SELENOV: variants seen among roughly 807,000 people sequenced by gnomAD.
SELENOV encodes selenoprotein V.
Under a neutral mutation model 21.6 loss-of-function variants are expected in SELENOV, and 25 were observed. That is an observed-to-expected ratio of 1.16 (90% CI 0.84 to 1.62). SELENOV has a LOEUF of 1.62. Ranked by LOEUF, SELENOV falls within the 40% of genes most tolerant of loss-of-function variation. SELENOV has a pLI of 0.00. For missense variants in SELENOV, 472 were observed against 459.0 expected, an observed-to-expected ratio of 1.03 and a Z score of -0.26; for synonymous variants, 227 against 216.9, an observed-to-expected ratio of 1.05 and a Z score of -0.41.
chr19:39,519,090 A>T, exon 5 of SELENOV: 5 of 1,613,740 alleles, frequency 3.1e-6, no homozygotes, highest in Non-Finnish European at 4.2e-6. Context: ...GGCTTTGTGA[A>T]CGAGTCCAGG....
chr19:39,515,267 G>T lies in SELENOV; in HGVS notation c.55G>T (p.Val19Phe). ...CTCCTCGGCGCGGACTTCAACCTCA[G>T]TCCGGGCTTCTACCCCGACCCGGAC... The change falls in exon 1 of 6, where the codon GTC becomes TTC. Residue 19 changes from valine to phenylalanine, a missense_variant. Transcript: ENST00000335426. The surrounding 1 kb of genome is among the most constrained non-coding windows in gnomAD (Gnocchi z 5.1). The T allele has an allele frequency of 6.4e-7, 1 of 1,550,782 alleles. No individual in the cohort carries two copies. The highest frequency in any genetic ancestry group is 1.2e-5 in the South Asian group (1 of 84,048).
At chr19:39,519,483 CA>C (rs2079717744) in intron 5 of SELENOV, among the ~76,000 whole-genome samples, 5 of 149,382 alleles carry the variant, frequency 3.3e-5, no homozygotes, top group African/African-American at 1.3e-4. Flanking sequence ...TCTGTCTCTA[CA>C]AAAAATAATA....
intron 4 of SELENOV, 26 bp from the exon 5 acceptor site, chr19:39,519,045 G>C (rs777931107): frequency 6.2e-7 from 1 of 1,613,540 alleles, no homozygotes; most frequent in Admixed American, 1.7e-5. Flanking sequence ...TGGGAGACCT[G>C]TGTGCTTTCT....
Position 39,519,125 on chromosome 19 carries a change from G to A in SELENOV, c.1018G>A (p.Asp340Asn), listed in dbSNP as rs374699082. The stretch of plus-strand genomic sequence containing the variant: ...GCTGCAGAAAATTGTGAGCGTTATC[G>A]ATGAGGAAATCAAGAAAAGGTAGCC... The change falls in exon 5 of 6, where the codon GAT (aspartate) becomes AAT (asparagine). Residue 340 changes from aspartate to asparagine, a missense_variant. Asp to Asn is a conservative substitution (Grantham distance 23, BLOSUM62 1). Transcript: ENST00000335426. The A allele has an allele frequency of 6.1e-5, 99 of 1,613,668 alleles. No individual in the cohort carries two copies. Among genetic ancestry groups the A allele is most frequent in the Middle Eastern group, 1.6e-4 (1 of 6,084 alleles).
chr19:39,518,303 A>AAG (rs901653025), intron 1 of SELENOV, among the ~76,000 whole-genome samples: 16 of 150,346 alleles, frequency 1.1e-4, no homozygotes, highest in Admixed American at 5.3e-4. Context: ...ACAAAAAAAA[A>AAG]AGAGAGAGAG....
At chr19:39,518,455 C>G in intron 1 of SELENOV, 153 bp from the exon 2 acceptor site, 1 of 754,960 alleles carries the variant, frequency 1.3e-6, no homozygotes, top group Admixed American at 2.2e-5. Flanking sequence ...TGGTTTTTCC[C>G]CTGCGTGAGA....
intron 1 of SELENOV, among the ~76,000 whole-genome samples, chr19:39,516,631 G>T (rs1366818856): frequency 6.6e-6 from 1 of 151,370 alleles, no homozygotes; most frequent in Non-Finnish European, 1.5e-5. Context: ...GGGCTCAAGC[G>T]ATCTTCCCAC....
At chr19:39,516,383 C>G in intron 1 of SELENOV, 1 of 398,738 alleles carries the variant, frequency 2.5e-6, no homozygotes, top group Non-Finnish European at 4.8e-6. Flanking sequence ...CTCTGGCTTC[C>G]CTTCCCAGCC....
chr19:39,518,934 A>G, exon 4 of SELENOV: 2 of 1,613,208 alleles, frequency 1.2e-6, no homozygotes, highest in Non-Finnish European at 1.7e-6. Flanking sequence ...GCTACAGGGG[A>G]GTTTGAGGTG....
Position 39,515,777 on chromosome 19 carries a change from C to T in SELENOV, c.565C>T (p.Pro189Ser). 2 of 1,549,330 alleles carry T rather than the reference C, an allele frequency of 1.3e-6. No individual in the cohort carries two copies. Among genetic ancestry groups the T allele is most frequent in the Non-Finnish European group, 1.7e-6 (2 of 1,146,276 alleles). ...GGTCTCCAGCGAGGCCGGGCCCGCCCCGGGGCCCCTTCCCACGCGCACCCC... is the reference window on the plus strand; with the variant it reads ...GGTCTCCAGCGAGGCCGGGCCCGCCTCGGGGCCCCTTCCCACGCGCACCCC... The change falls in exon 1 of 6, where the codon CCG (proline) becomes TCG (serine). Residue 189 changes from proline to serine, a missense_variant. Transcript: ENST00000335426. This position sits in a 1 kb window ranked among gnomAD's most constrained non-coding sequence, Gnocchi z 5.1.
chr19:39,520,348 G>A (rs1334920922), exon 6 of SELENOV: 1 of 152,176 alleles, frequency 6.6e-6, no homozygotes, highest in Non-Finnish European at 1.5e-5. Context: ...CTGGCCCCAG[G>A]GGTGGGAGGG....
intron 1 of SELENOV, 116 bp downstream of exon 1, chr19:39,516,137 A>G: frequency 1.1e-6 from 1 of 875,900 alleles, no homozygotes; most frequent in Admixed American, 2.1e-5. Context: ...GGATTCAGGA[A>G]GAGCCCCAGA....
rs1199434249 is a variant in SELENOV, at chr19:39,515,790, C to G, written c.578C>G (p.Pro193Arg). 1 of 1,549,504 alleles carries G rather than the reference C, an allele frequency of 6.5e-7. No homozygotes were observed. Among genetic ancestry groups the G allele is most frequent in the Non-Finnish European group, 8.7e-7 (1 of 1,146,308 alleles). ...GCCGGGCCCGCCCCGGGGCCCCTTC[C>G]CACGCGCACCCCGCTGGCCGCGAAC... Residue 193 changes from proline to arginine, a missense_variant, in exon 1 of 6, where the codon CCC becomes CGC. Pro to Arg is a moderately radical substitution (Grantham distance 103). Coordinates refer to ENST00000335426, the Ensembl canonical transcript of SELENOV. This position sits in a 1 kb window ranked among gnomAD's most constrained non-coding sequence, Gnocchi z 5.1.
At chr19:39,518,710 C>T (rs1246580856) in intron 2 of SELENOV, 30 bp from the exon 3 acceptor site, 2 of 1,613,376 alleles carry the variant, frequency 1.2e-6, no homozygotes, top group Non-Finnish European at 1.7e-6. Flanking sequence ...CCCTCCCCTG[C>T]AACCCCATGA....
chr19:39,515,803 G>T lies in SELENOV; in HGVS notation c.591G>T (p.Pro197=). 2 of 1,549,474 alleles carry T rather than the reference G, an allele frequency of 1.3e-6. No individual in the cohort carries two copies. The highest frequency in any genetic ancestry group is 1.2e-5 in the South Asian group (1 of 84,010). ...CGGGGCCCCTTCCCACGCGCACCCCGCTGGCCGCGAACTCACCCGGGCCCA... is the reference window on the plus strand; with the variant it reads ...CGGGGCCCCTTCCCACGCGCACCCCTCTGGCCGCGAACTCACCCGGGCCCA... Residue 197 remains proline, a synonymous_variant, in exon 1 of 6, where the codon CCG becomes CCT. Transcript: ENST00000335426. This position sits in a 1 kb window ranked among gnomAD's most constrained non-coding sequence, Gnocchi z 5.1.
chr19:39,519,000 G>A (rs1480857221), intron 4 of SELENOV, 23 bp downstream of exon 4: 1 of 1,613,696 alleles, frequency 6.2e-7, no homozygotes, highest in African/African-American at 1.3e-5. Context: ...AAAGGTCCGG[G>A]ACAGGGAGGT....
intron 1 of SELENOV, chr19:39,516,274 A>G (rs892337126): frequency 2.0e-5 from 13 of 658,482 alleles, no homozygotes; most frequent in Admixed American, 8.3e-5. Context: ...CCGCGGGCCA[A>G]GTGCCAGGCC....
intron 1 of SELENOV, among the ~76,000 whole-genome samples, chr19:39,517,991 A>AAAAAAAAAAAAAAAAAAAAAAAAAAAAT (rs374863818): frequency 1.1e-5 from 1 of 92,012 alleles, no homozygotes; most frequent in African/African-American, 4.0e-5. Flanking sequence ...AAAAAAAAAA[A>AAAAAAAAAAAAAAAAAAAAAAAAAAAAT]GCCCAGCGCG....
At chr19:39,519,042 CCT>C (rs1288437000) in intron 4 of SELENOV, 27 bp from the exon 5 acceptor site, 1 of 1,613,040 alleles carries the variant, frequency 6.2e-7, no homozygotes, top group East Asian at 2.2e-5. Flanking sequence ...GGGTGGGAGA[CCT>C]GTGTGCTTTC....
Sources: gnomAD v4.1 joint callset for allele counts (sites outside exome capture counted in the v4.1 genomes callset) on GRCh38, gnomAD v4.1.1 for gene constraint, Gnocchi (gnomAD v3.1) non-coding constraint, MANE v1.5 for transcripts, NCBI Gene and HGNC (gene_info 2026-07-23, HGNC 2026-07-21) for gene names.